The following TRHDE variants were observed in gnomAD, a reference collection of about 807,000 sequenced individuals.
TRHDE encodes the protein thyrotropin releasing hormone degrading enzyme, also known as thyrotropin-releasing hormone-degrading ectoenzyme.
TRHDE carries 72 observed loss-of-function variants against 125.7 expected under a neutral mutation model. That is an observed-to-expected ratio of 0.57 (90% confidence interval 0.47 to 0.70). The LOEUF is 0.70. Ranked by LOEUF, TRHDE falls within the 30% of genes least tolerant of loss-of-function variation. The pLI is 0.00. For synonymous variants in TRHDE, 509 were observed against 509.1 expected, an observed-to-expected ratio of 1.00 and a Z score of 0.00; for missense variants, 1,110 against 1,327.1, an observed-to-expected ratio of 0.84 and a Z score of 2.54.
intron 1 of TRHDE, among the ~76,000 whole-genome samples, chr12:72,098,098 G>C (rs768277518): frequency 6.6e-6 from 1 of 151,894 alleles, no homozygotes. Context: ...GCCCGGGCTT[G>C]TCTCAAACTC....
intron 15 of TRHDE, among the ~76,000 whole-genome samples, chr12:72,650,099 G>A (rs540355858): frequency 1.3e-5 from 2 of 152,170 alleles, no homozygotes; most frequent in East Asian, 1.9e-4. Context: ...TGCAGCACTA[G>A]TCACATTAGC....
intron 3 of TRHDE, among the ~76,000 whole-genome samples, chr12:72,381,598 G>A (rs1363725473): frequency 6.6e-6 from 1 of 151,856 alleles, no homozygotes; most frequent in East Asian, 1.9e-4. Flanking sequence ...GGGTTTCACC[G>A]TTTTAGCCGG....
chr12:72,549,348 A>T (rs1023064839), intron 7 of TRHDE, among the ~76,000 whole-genome samples: 12 of 151,880 alleles, frequency 7.9e-5, no homozygotes, highest in Non-Finnish European at 1.5e-5. Context: ...GTAGGTTTTC[A>T]GATAAGTAAA....
chr12:72,466,747 C>A (rs1463063510), intron 3 of TRHDE, among the ~76,000 whole-genome samples: 2 of 152,136 alleles, frequency 1.3e-5, no homozygotes, highest in African/African-American at 4.8e-5. Flanking sequence ...AACAAGCTAG[C>A]CTCTACCATT....
At chr12:72,266,520 T>C (rs1879073549) in intron 2 of TRHDE, among the ~76,000 whole-genome samples, 1 of 151,176 alleles carries the variant, frequency 6.6e-6, no homozygotes, top group Non-Finnish European at 1.5e-5. Flanking sequence ...TATTTCTTTG[T>C]TCAGGGTCAT....
At chr12:72,429,413 A>T (rs1874344200) in intron 3 of TRHDE, among the ~76,000 whole-genome samples, 1 of 151,482 alleles carries the variant, frequency 6.6e-6, no homozygotes, top group Non-Finnish European at 1.5e-5. Context: ...ACCACATTTT[A>T]TTTATCCATT....
At chr12:72,206,809 C>G (rs1001068507) in intron 2 of TRHDE, among the ~76,000 whole-genome samples, 1 of 151,744 alleles carries the variant, frequency 6.6e-6, no homozygotes, top group African/African-American at 2.4e-5. Context: ...ATGTTACATT[C>G]TACAAATCAA....
At chr12:72,348,587 T>A (rs1243617991) in intron 2 of TRHDE, among the ~76,000 whole-genome samples, 1 of 152,092 alleles carries the variant, frequency 6.6e-6, no homozygotes, top group African/African-American at 2.4e-5. Flanking sequence ...GCCCTACTCT[T>A]CTTATTAGAG....
chr12:72,361,023 C>G (rs902352750), intron 2 of TRHDE, among the ~76,000 whole-genome samples: 6 of 151,644 alleles, frequency 4.0e-5, no homozygotes, highest in African/African-American at 1.5e-4. Flanking sequence ...TTGTTCCCTC[C>G]CTGTGTCCAT....
chr12:72,137,927 T>A (rs1592454629), intron 2 of TRHDE, among the ~76,000 whole-genome samples: 2 of 152,252 alleles, frequency 1.3e-5, no homozygotes, highest in Admixed American at 1.3e-4. Flanking sequence ...TAGTTTAAAC[T>A]AGAACAATAG....
intron 3 of TRHDE, among the ~76,000 whole-genome samples, chr12:72,404,564 G>A (rs1439655611): frequency 6.6e-6 from 1 of 152,188 alleles, no homozygotes; most frequent in Non-Finnish European, 1.5e-5. Context: ...ATGGCAGAAG[G>A]TGAAGGAAGA....
At chr12:72,231,199 A>C (rs1291958263) in intron 2 of TRHDE, among the ~76,000 whole-genome samples, 1 of 152,150 alleles carries the variant, frequency 6.6e-6, no homozygotes, top group Non-Finnish European at 1.5e-5. Flanking sequence ...ATTAAAAAAA[A>C]ATCAGCACAC....
At chr12:72,640,236 C>T (rs1264171204) in intron 15 of TRHDE, among the ~76,000 whole-genome samples, 2 of 152,242 alleles carry the variant, frequency 1.3e-5, no homozygotes, top group Non-Finnish European at 2.9e-5. Flanking sequence ...GTCGGAAAAG[C>T]ACAGTATTCG....
chr12:72,439,583 AT>A (rs1198558237), intron 3 of TRHDE, among the ~76,000 whole-genome samples: 1 of 151,114 alleles, frequency 6.6e-6, no homozygotes, highest in Admixed American at 6.6e-5. Flanking sequence ...CTGATTTCCT[AT>A]TTTTTTGTTT....
intron 2 of TRHDE, among the ~76,000 whole-genome samples, chr12:72,247,551 T>C (rs1488713140): frequency 6.6e-6 from 1 of 152,210 alleles, no homozygotes; most frequent in East Asian, 1.9e-4. Context: ...GCCATTGTTA[T>C]TTTATAAAAA....
At chr12:72,234,505 CT>C (rs1331077409) in intron 2 of TRHDE, among the ~76,000 whole-genome samples, 1 of 151,984 alleles carries the variant, frequency 6.6e-6, no homozygotes, top group Non-Finnish European at 1.5e-5. Context: ...TCTGAGGGCT[CT>C]TTTTGATTAA....
intron 5 of TRHDE, among the ~76,000 whole-genome samples, chr12:72,490,112 A>G (rs1316715499): frequency 6.6e-6 from 1 of 151,846 alleles, no homozygotes; most frequent in African/African-American, 2.4e-5. Context: ...TTGATGTCCA[A>G]AAGATATAAA....
intron 6 of TRHDE, among the ~76,000 whole-genome samples, chr12:72,530,332 A>C (rs1395410173): frequency 2.7e-5 from 4 of 149,516 alleles, no homozygotes; most frequent in Non-Finnish European, 5.9e-5. Context: ...TCCAGTCTGC[A>C]TGGTAGCTGA....
At chr12:72,476,465 A>G (rs915814574) in intron 5 of TRHDE, among the ~76,000 whole-genome samples, 3 of 152,190 alleles carry the variant, frequency 2.0e-5, no homozygotes, top group African/African-American at 7.2e-5. Context: ...AAAAGAGTGA[A>G]AGAAATACTC....
Sources: allele counts gnomAD v4.1 joint callset (sites outside exome capture counted in the v4.1 genomes callset), GRCh38; gene constraint gnomAD v4.1.1; transcripts MANE v1.5; gene names NCBI Gene and HGNC (gene_info 2026-07-23, HGNC 2026-07-21).